Variants in GRB7 observed in about 807,000 individuals in gnomAD.
GRB7 encodes the protein growth factor receptor-bound protein 7.
GRB7 carries 47 observed loss-of-function variants against 64.1 expected under a neutral mutation model. The observed-to-expected ratio is 0.73, with a 90% CI of 0.58 to 0.94. The LOEUF (loss-of-function observed/expected upper bound fraction) is 0.94. GRB7 is among the 40% of genes least tolerant of loss of function. GRB7 has a pLI of 0.00. For synonymous variants in GRB7, 277 were observed against 279.9 expected, an observed-to-expected ratio of 0.99 and a Z score of 0.10; for missense variants, 634 against 718.4, an observed-to-expected ratio of 0.88 and a Z score of 1.34.
At chr17:39,738,757 A>C in intron 1 of GRB7, 1 of 691,688 alleles carries the variant, frequency 1.4e-6, no homozygotes, top group Non-Finnish European at 2.3e-6. Context: ...CCAAGTCTCT[A>C]AGACAGACGT....
chr17:39,743,766 G>A (rs1037821803), intron 6 of GRB7, among the ~76,000 whole-genome samples: 4 of 127,726 alleles, frequency 3.1e-5, no homozygotes, highest in Non-Finnish European at 1.6e-5. Context: ...CTTAAGCCTA[G>A]AAGTTTGAGA....
At chr17:39,740,367 C>T (rs935010449) in intron 1 of GRB7, among the ~76,000 whole-genome samples, 6 of 152,110 alleles carry the variant, frequency 3.9e-5, no homozygotes, top group Admixed American at 1.3e-4. Flanking sequence ...CCCCTCTGGC[C>T]GGGACACCCA....
At chr17:39,738,649 C>T (rs754652583) in intron 1 of GRB7, 1 of 407,846 alleles carries the variant, frequency 2.5e-6, no homozygotes, top group Non-Finnish European at 4.5e-6. Context: ...TTCTCTCCTC[C>T]GACTTGGCTT....
Position 39,743,306 on chromosome 17 carries a change from G to A in GRB7, c.585+5G>A, listed in dbSNP as rs1345595799. 1.2e-6 allele frequency: 2 copies of A among 1,614,234 alleles called. No individual in the cohort carries two copies. The highest frequency in any genetic ancestry group is 1.7e-6 in the Non-Finnish European group (2 of 1,180,042). On this transcript the variant is annotated splice_donor_5th_base_variant and intron_variant, in intron 5 of 14. Coordinates refer to ENST00000309156, the MANE Select transcript of GRB7 (RefSeq NM_005310.5). ...GAACTGTTCAAGAGCTCCCCAGTGA[G>A]TGCATGAGGGCTGTCTGGGCGCTGG...
chr17:39,742,187 C>A, intron 1 of GRB7, 65 bp from the exon 2 acceptor site: 1 of 1,174,268 alleles, frequency 8.5e-7, no homozygotes, highest in Non-Finnish European at 1.3e-6. Context: ...TAGGTAAACT[C>A]TGAGGGGCAC....
Position 39,742,965 on chromosome 17 carries a change from G to A in GRB7, c.374G>A (p.Arg125His), listed in dbSNP as rs200112951. The A allele has an allele frequency of 1.2e-4, 199 of 1,613,142 alleles. No individual in the cohort carries two copies. Among genetic ancestry groups the A allele is most frequent in the Admixed American group, 2.5e-4 (15 of 59,920 alleles). ...SVEVAAGATA[R>H]HVCEMLVQRA... Reference sequence around the variant, plus strand: ...GAGGTGGCAGCAGGTGCCACAGCTCGCCACGTGTGTGAAATGCTGGTGCAG... The same window carrying A: ...GAGGTGGCAGCAGGTGCCACAGCTCACCACGTGTGTGAAATGCTGGTGCAG... The change falls in exon 4 of 15, where the codon CGC (arginine) becomes CAC (histidine). Residue 125 changes from arginine to histidine, a missense_variant. By Grantham distance (29) the Arg-to-His change is conservative. Transcript: ENST00000309156.
chr17:39,744,757 A>G (rs890217010), intron 8 of GRB7, 94 bp downstream of exon 8: 24 of 1,305,154 alleles, frequency 1.8e-5, no homozygotes, highest in Non-Finnish European at 2.6e-5. Flanking sequence ...CCCAATTCAG[A>G]CACCTAGACT....
rs1228320984 is a variant in GRB7 at position 39,745,545 on chromosome 17, C to T, written c.1209+7C>T. 1 of 1,606,118 alleles carries T rather than the reference C, an allele frequency of 6.2e-7. No individual in the cohort carries two copies. Among genetic ancestry groups the T allele is most frequent in the African/African-American group, 1.3e-5 (1 of 74,760 alleles). ...GGAGGCCCAGGCCTGGAGGGTGAGG[C>T]CTGCTGTGTGTGTGTGTGTTTGTGC... On this transcript the variant is annotated splice_region_variant and intron_variant, in intron 11 of 14. Transcript: ENST00000309156.
chr17:39,744,068 A>G lies in GRB7; in HGVS notation c.664-2A>G. ...ACTCTCCTCTGCTCTCCTCTGGCTC[A>G]GAACTTCCTGAATGCTGGCAGCTTT... On this transcript the variant is annotated splice_acceptor_variant, in intron 6 of 14. Coordinates refer to ENST00000309156, the MANE Select transcript of GRB7 (RefSeq NM_005310.5). LOFTEE classifies it high-confidence loss of function. 1 of 1,614,184 alleles carries G rather than the reference A, an allele frequency of 6.2e-7. No individual in the cohort carries two copies. The highest frequency in any genetic ancestry group is 1.3e-5 in the African/African-American group (1 of 75,066).
Position 39,742,259 on chromosome 17 carries a change from G to A in GRB7, c.-43G>A, listed in dbSNP as rs2060000746. 2.5e-6 allele frequency: 4 copies of A among 1,612,890 alleles called. No individual in the cohort carries two copies. The highest frequency in any genetic ancestry group is 3.4e-6 in the Non-Finnish European group (4 of 1,179,050). ...CTCATCCCCTCTCCCCAGGACAAGGGCACACAACTGGTTCCGTTAAGCCCC... is the reference window on the plus strand; with the variant it reads ...CTCATCCCCTCTCCCCAGGACAAGGACACACAACTGGTTCCGTTAAGCCCC... On this transcript the variant is annotated 5_prime_UTR_variant, in exon 2 of 15. Transcript: ENST00000309156.
chr17:39,743,327 G>T, intron 5 of GRB7, 26 bp downstream of exon 5: 1 of 1,614,138 alleles, frequency 6.2e-7, no homozygotes, highest in East Asian at 2.2e-5. Context: ...CTGTCTGGGC[G>T]CTGGGATGCC....
rs1329553348 is a variant in GRB7, at chr17:39,746,718, C to G, written c.1453-33C>G. On this transcript the variant is annotated intron_variant, in intron 14 of 14. Transcript: ENST00000309156. The stretch of plus-strand genomic sequence containing the variant: ...GGAGCTTCCCAAGCCTCGGGCCCCT[C>G]CCTGAACTTCCACCCCCTTTACTGT... The G allele has an allele frequency of 6.2e-6, 10 of 1,606,484 alleles. No individual in the cohort carries two copies. In the Admixed American group the frequency reaches 6.7e-5, roughly 11 times the overall value.
At chr17:39,742,504 C>G (rs1257219062) in intron 2 of GRB7, 48 bp downstream of exon 2, 1 of 1,612,454 alleles carries the variant, frequency 6.2e-7, no homozygotes, top group South Asian at 1.1e-5. Flanking sequence ...GGATAATACA[C>G]AGAGGCTTGC....
chr17:39,747,085 C>T lies in GRB7; in HGVS notation c.*188C>T, dbSNP rs541939207. On this transcript the variant is annotated 3_prime_UTR_variant, in exon 15 of 15. Transcript: ENST00000309156. ...AAAACAGCCCCCACTCCAGTCCACT[C>T]CTGACCCCTCTCCTCAAGGGAAGGC... The T allele has an allele frequency of 1.6e-6, 1 of 617,848 alleles. No homozygotes were observed. The highest frequency in any genetic ancestry group is 2.1e-5 in the South Asian group (1 of 47,868). 38.3% of individuals were successfully genotyped at this position (617,848 alleles called of 1,614,324 possible). A position where few individuals can be genotyped will look rare whatever the true frequency, so the allele number is the denominator to read the frequency against.
Position 39,745,934 on chromosome 17 carries a change from G to A in GRB7, c.1292G>A (p.Trp431Ter), listed in dbSNP as rs1052337350. The A allele has an allele frequency of 1.1e-5, 18 of 1,613,932 alleles. No homozygotes were observed. Among genetic ancestry groups the A allele is most frequent in the Non-Finnish European group, 1.5e-5 (18 of 1,179,950 alleles). ...LSAAIHRTQLWFHGRISREES... is the reference protein window; with the variant it reads ...LSAAIHRTQL ...ACAGCCATCCACCGCACCCAACTCT[G>A]GTTCCACGGGCGCATTTCCCGTGAG... Residue 431 changes from tryptophan to a stop codon, truncating the protein, a stop_gained, in exon 13 of 15, where the codon TGG (tryptophan) becomes TAG (stop). Coordinates refer to ENST00000309156, the MANE Select transcript of GRB7 (RefSeq NM_005310.5). LOFTEE classifies it high-confidence loss of function.
At chr17:39,746,068 C>T (rs774386805) in intron 13 of GRB7, 41 bp from the exon 14 acceptor site, 10 of 1,610,910 alleles carry the variant, frequency 6.2e-6, no homozygotes, top group Non-Finnish European at 8.5e-6. Context: ...CAGCCATGGT[C>T]CTTGGGTAGT....
intron 1 of GRB7, among the ~76,000 whole-genome samples, chr17:39,740,545 GT>G (rs1301854295): frequency 6.6e-6 from 1 of 152,160 alleles, no homozygotes; most frequent in Non-Finnish European, 1.5e-5. Flanking sequence ...TGGCGAGGAG[GT>G]GGTTTGGGAC....
At chr17:39,743,978 C>T in intron 6 of GRB7, 92 bp from the exon 7 acceptor site, 1 of 1,533,608 alleles carries the variant, frequency 6.5e-7, no homozygotes, top group Non-Finnish European at 8.8e-7. Context: ...GACCCTGTCT[C>T]AAAAAGAAAA....
chr17:39,745,605 AGGAG>A (rs2060038402), intron 11 of GRB7, 67 bp downstream of exon 11: 1 of 1,560,506 alleles, frequency 6.4e-7, no homozygotes. Flanking sequence ...TCCCTGAAAT[AGGAG>A]GGAGGAAGAG....
Sources: allele counts gnomAD v4.1 joint callset (sites outside exome capture counted in the v4.1 genomes callset), GRCh38; gene constraint gnomAD v4.1.1; transcripts MANE v1.5; gene names NCBI Gene and HGNC (gene_info 2026-07-23, HGNC 2026-07-21).